Variants in IL7 observed in about 807,000 individuals in gnomAD.
The protein encoded by IL7 is interleukin-7.
IL7 carries 3 observed loss-of-function variants against 21.6 expected under a neutral mutation model. The ratio of observed to expected loss-of-function variants is 0.14; its 90% CI spans 0.06 to 0.36. The LOEUF (loss-of-function observed/expected upper bound fraction) is 0.36. Among genes scored for constraint, IL7 ranks in the 10% least tolerant of loss-of-function variants. The probability of loss-of-function intolerance (pLI) is 1.00; values close to 1 mark genes in which losing one functional copy is unlikely to be tolerated. For missense variants in IL7, 175 were observed against 200.2 expected (o/e 0.87, Z 0.76); for synonymous variants, 62 against 68.1 (o/e 0.91, Z 0.44).
At chr8:78,691,374 T>G (rs959740115) in intron 3 of IL7, among the ~76,000 whole-genome samples, 12 of 152,192 alleles carry the variant, frequency 7.9e-5, no homozygotes, top group Admixed American at 3.9e-4. Flanking sequence ...TTTTTGTCTG[T>G]GGCAATATTT....
chr8:78,790,578 C>G (rs1257610512), intron 2 of IL7, among the ~76,000 whole-genome samples: 1 of 151,996 alleles, frequency 6.6e-6, no homozygotes. Flanking sequence ...ATGACTCAAA[C>G]ATAAAATCTG....
intron 2 of IL7, among the ~76,000 whole-genome samples, chr8:78,745,839 A>T (rs989567071): frequency 6.6e-6 from 1 of 152,096 alleles, no homozygotes; most frequent in Non-Finnish European, 1.5e-5. Context: ...GAGAGCATGC[A>T]TTGTTTGCCT....
At chr8:78,788,600 T>C (rs1277322996) in intron 2 of IL7, among the ~76,000 whole-genome samples, 1 of 152,164 alleles carries the variant, frequency 6.6e-6, no homozygotes, top group Non-Finnish European at 1.5e-5. Flanking sequence ...TGTGCATGAC[T>C]TGTACTTTAT....
At chr8:78,779,706 G>A (rs1813257080) in intron 2 of IL7, among the ~76,000 whole-genome samples, 2 of 151,894 alleles carry the variant, frequency 1.3e-5, no homozygotes, top group Non-Finnish European at 1.5e-5. Flanking sequence ...TTCTTTTTTT[G>A]TAGTATCTCT....
At chr8:78,750,332 A>G (rs1430378167) in intron 2 of IL7, among the ~76,000 whole-genome samples, 1 of 152,060 alleles carries the variant, frequency 6.6e-6, no homozygotes, top group African/African-American at 2.4e-5. Flanking sequence ...CCCTTTTTCC[A>G]CACCGTATTG....
chr8:78,739,953 C>A, intron 3 of IL7, 49 bp downstream of exon 3: 1 of 1,457,464 alleles, frequency 6.9e-7, no homozygotes, highest in Non-Finnish European at 9.1e-7. Flanking sequence ...AAAATAGAAG[C>A]TTCTATAAAA....
At chr8:78,718,427 A>G (rs897611116) in intron 6 of IL7, 1 of 151,968 alleles carries the variant, frequency 6.6e-6, no homozygotes, top group Admixed American at 6.6e-5. Flanking sequence ...ATGCATCTTA[A>G]ATCACGTCAC....
intron 2 of IL7, among the ~76,000 whole-genome samples, chr8:78,786,037 A>C (rs1425475624): frequency 6.6e-6 from 1 of 152,234 alleles, no homozygotes; most frequent in African/African-American, 2.4e-5. Context: ...GTCCACAAAA[A>C]AATGAGAAGA....
intron 5 of IL7, among the ~76,000 whole-genome samples, chr8:78,734,830 C>A (rs564179349): frequency 6.6e-6 from 1 of 152,216 alleles, no homozygotes; most frequent in East Asian, 1.9e-4. Context: ...ATGATTTGAA[C>A]TCATTTCACA....
intron 1 of IL7, 139 bp from the exon 2 acceptor site, chr8:78,798,347 CA>C: frequency 1.7e-6 from 1 of 597,604 alleles, no homozygotes; most frequent in Non-Finnish European, 2.8e-6. Context: ...GGAAGAACCT[CA>C]AAAGTTGAAC....
At chr8:78,731,039 G>C (rs1330356924), downstream of IL7, among the ~76,000 whole-genome samples, 1 of 151,882 alleles carries the variant, frequency 6.6e-6, no homozygotes, top group South Asian at 2.1e-4. Flanking sequence ...ACACCATAAA[G>C]ATTATCTGAC....
intron 2 of IL7, among the ~76,000 whole-genome samples, chr8:78,773,461 G>A (rs1813028259): frequency 1.3e-5 from 2 of 152,106 alleles, no homozygotes; most frequent in African/African-American, 4.8e-5. Flanking sequence ...AGCAAGACAG[G>A]GGAAGTAGAA....
chr8:78,803,339 T>C (rs537621106), intron 1 of IL7, among the ~76,000 whole-genome samples: 3 of 152,114 alleles, frequency 2.0e-5, no homozygotes, highest in Non-Finnish European at 4.4e-5. Flanking sequence ...TCAAATATGA[T>C]GAAATTACCC....
At chr8:78,762,369 C>A (rs550020796) in intron 2 of IL7, 1 of 1,612,618 alleles carries the variant, frequency 6.2e-7, no homozygotes, top group South Asian at 1.1e-5. Context: ...CTGAAGAAGG[C>A]CAAGTCAAGT....
chr8:78,759,221 T>C (rs924141701), intron 2 of IL7, among the ~76,000 whole-genome samples: 2 of 151,450 alleles, frequency 1.3e-5, no homozygotes, highest in Admixed American at 6.6e-5. Context: ...GGGTTCTTTT[T>C]TTTTTTTAGC....
At chr8:78,686,508 T>G in intron 3 of IL7, 2 of 1,545,928 alleles carry the variant, frequency 1.3e-6, no homozygotes, top group Non-Finnish European at 1.7e-6. Flanking sequence ...GAAGGAAACA[T>G]GAAGAATTCA....
chr8:78,765,374 C>T (rs1203768250), intron 2 of IL7, among the ~76,000 whole-genome samples: 1 of 151,966 alleles, frequency 6.6e-6, no homozygotes, highest in Non-Finnish European at 1.5e-5. Flanking sequence ...CAAAAAGCAG[C>T]ATCAGGAGAA....
intron 2 of IL7, among the ~76,000 whole-genome samples, chr8:78,790,124 C>T (rs1335440280): frequency 1.3e-5 from 2 of 152,014 alleles, no homozygotes; most frequent in South Asian, 2.1e-4. Flanking sequence ...ATATTATAAC[C>T]GATTAGTCAT....
intron 3 of IL7, among the ~76,000 whole-genome samples, chr8:78,687,614 A>G (rs909960755): frequency 7.4e-6 from 1 of 135,716 alleles, no homozygotes; most frequent in Non-Finnish European, 1.5e-5. Context: ...ATAATACATT[A>G]TATATATTTA....
Sources: gnomAD v4.1 joint callset for allele counts (sites outside exome capture counted in the v4.1 genomes callset) on GRCh38, gnomAD v4.1.1 for gene constraint, MANE v1.5 for transcripts, NCBI Gene and HGNC (gene_info 2026-07-23, HGNC 2026-07-21) for gene names.